Variants in USP46 observed in about 807,000 individuals in gnomAD.
USP46 encodes the protein ubiquitin carboxyl-terminal hydrolase 46.
Under a neutral mutation model 44.4 loss-of-function variants are expected in USP46, and 12 were observed. The ratio of observed to expected loss-of-function variants is 0.27; its 90% CI spans 0.17 to 0.44. The LOEUF is 0.44. USP46 is among the 20% of genes least tolerant of loss of function. The pLI, the probability that USP46 is intolerant of heterozygous loss-of-function variation, is 1.00. For synonymous variants in USP46, 155 were observed against 161.5 expected, an observed-to-expected ratio of 0.96 and a Z score of 0.31; for missense variants, 248 against 444.8, an observed-to-expected ratio of 0.56 and a Z score of 3.98.
intron 1 of USP46, among the ~76,000 whole-genome samples, chr4:52,644,810 C>A (rs535846602): frequency 6.6e-6 from 1 of 151,176 alleles, no homozygotes; most frequent in South Asian, 2.1e-4. Flanking sequence ...GTAATCCCAG[C>A]ACTTTGAGAG....
At chr4:52,613,209 C>A (rs904977749) in intron 4 of USP46, among the ~76,000 whole-genome samples, 8 of 152,096 alleles carry the variant, frequency 5.3e-5, no homozygotes, top group African/African-American at 1.9e-4. Flanking sequence ...GGAAACCATG[C>A]CCACTGGAAA....
rs908580081 is a variant in USP46, at chr4:52,591,182, C to A, written c.*6458G>T. 6.6e-6 allele frequency: 1 copy of A among 152,172 alleles called. No homozygotes were observed. The highest frequency in any genetic ancestry group is 2.4e-5 in the African/African-American group (1 of 41,446). 9.4% of individuals were successfully genotyped at this position (152,172 alleles called of 1,614,324 possible). ...CTTAAAGTTTTCTCACGTTTATTTT[C>A]CATTTTCTTAGCACAGAATGTTCTT... On this transcript the variant is annotated 3_prime_UTR_variant, in exon 9 of 9. Transcript: ENST00000441222.
At chr4:52,635,212 G>A (rs1460866514) in intron 1 of USP46, among the ~76,000 whole-genome samples, 1 of 151,646 alleles carries the variant, frequency 6.6e-6, no homozygotes, top group Non-Finnish European at 1.5e-5. Flanking sequence ...TCAACTTTGA[G>A]TATATGGATA....
At chr4:52,646,225 A>G (rs764030427) in intron 1 of USP46, among the ~76,000 whole-genome samples, 11 of 152,216 alleles carry the variant, frequency 7.2e-5, no homozygotes, top group Admixed American at 2.6e-4. Context: ...ACCTTACAGC[A>G]TGGGGAGCAC....
At chr4:52,629,688 G>A (rs1457118911) in intron 2 of USP46, 1 of 456,262 alleles carries the variant, frequency 2.2e-6, no homozygotes, top group Non-Finnish European at 4.4e-6. Flanking sequence ...GACAACTCCT[G>A]GGAAGGGAAA....
chr4:52,626,292 G>A lies in USP46; in HGVS notation c.332-45C>T, dbSNP rs368700887. The A allele has an allele frequency of 1.1e-5, 16 of 1,509,014 alleles. No homozygotes were observed. The African/African-American group carries it at 2.0e-4, about 18-fold the overall frequency. 93.5% of individuals were successfully genotyped at this position (1,509,014 alleles called of 1,614,324 possible). On this transcript the variant is annotated intron_variant, in intron 3 of 8. Transcript: ENST00000441222. ...TATTTCAGTCTCTGGTTCTTGAAAA[G>A]CAAATGGATGTAATTAGTGTTACAT...
chr4:52,630,024 T>A lies in USP46; in HGVS notation c.117+1040A>T, dbSNP rs535012793. ...ATTACTACTTACCACACCTGGGCATTGACAGACTACGTTCAGCATAATTAT... is the reference window on the plus strand; with the variant it reads ...ATTACTACTTACCACACCTGGGCATAGACAGACTACGTTCAGCATAATTAT... On this transcript the variant is annotated intron_variant, in intron 2 of 8. Coordinates refer to ENST00000441222, the MANE Select transcript of USP46 (RefSeq NM_022832.4). 5.3e-5 allele frequency among the ~76,000 whole-genome samples: 8 copies of A among 152,368 alleles called. No homozygotes were observed. The South Asian group carries it at 1.7e-3, about 32-fold the overall frequency.
chr4:52,632,990 A>AAAGAAAGAAAGAAAAGAAAAGAAAG, intron 1 of USP46, among the ~76,000 whole-genome samples: 60 of 66,044 alleles, frequency 9.1e-4, no homozygotes, highest in Admixed American at 1.1e-3. Context: ...GAAAGAAAAG[A>AAAGAAAGAAAGAAAAGAAAAGAAAG]AAAGAAAGAA....
rs376947798 is a variant in USP46 at position 52,628,048 on chromosome 4, G to A, written c.233C>T (p.Thr78Met). ...AQQKKKENLL[T>M]CLADLFHSIA... is the part of the protein sequence containing the mutation. ...GCTGTGGAAAAGGTCCGCCAGGCAC[G>A]TCAGCAAGTTTTCCTTCTTCTTTTG... is the stretch of plus-strand genomic sequence containing the variant. Residue 78 changes from threonine (T) to methionine (M), a missense_variant, in exon 3 of 9, where the codon ACG (threonine) becomes ATG (methionine). Around this residue, in one of 5 missense-constraint regions of USP46, gnomAD observed 54 missense variants for 135.0 expected, o/e 0.40. Coordinates refer to ENST00000441222, the MANE Select transcript of USP46 (RefSeq NM_022832.4). The A allele has an allele frequency of 1.8e-4, 288 of 1,613,934 alleles. No homozygotes were observed. The highest frequency in any genetic ancestry group is 2.1e-4 in the Non-Finnish European group (252 of 1,179,860).
Position 52,592,905 on chromosome 4 carries a change from GT to G in USP46, c.*4734del. 1 of 398,114 alleles carries G rather than the reference GT, an allele frequency of 2.5e-6. No individual in the cohort carries two copies. The highest frequency in any genetic ancestry group is 4.4e-6 in the Non-Finnish European group (1 of 226,136). 24.7% of individuals were successfully genotyped at this position (398,114 alleles called of 1,614,324 possible). On this transcript the variant is annotated 3_prime_UTR_variant, in exon 9 of 9. Coordinates refer to ENST00000441222, the MANE Select transcript of USP46 (RefSeq NM_022832.4). Reference sequence around the variant, plus strand: ...GCTCTCTTCCTCTTGCTCCTGCCATGTAAGATGGGCTTGCTTTCCCTTTGCC... The same window carrying G: ...GCTCTCTTCCTCTTGCTCCTGCCATGAAGATGGGCTTGCTTTCCCTTTGCC...
intron 1 of USP46, chr4:52,656,445 G>A: frequency 7.0e-7 from 1 of 1,420,520 alleles, no homozygotes; most frequent in Non-Finnish European, 9.3e-7. Context: ...GGTGGGTGGG[G>A]GATTGACCTG....
chr4:52,627,321 T>C (rs929261939), intron 3 of USP46, among the ~76,000 whole-genome samples: 2 of 152,182 alleles, frequency 1.3e-5, no homozygotes, highest in South Asian at 2.1e-4. Flanking sequence ...CTAAGATAAA[T>C]AGTAATTGCC....
chr4:52,629,649 C>G (rs1448939551), intron 2 of USP46: 1 of 456,278 alleles, frequency 2.2e-6, no homozygotes, highest in Admixed American at 2.3e-5. Context: ...CCCAGACACC[C>G]TTCAGTAACG....
chr4:52,656,273 G>A, intron 1 of USP46: 4 of 1,550,900 alleles, frequency 2.6e-6, no homozygotes, highest in Non-Finnish European at 3.5e-6. Flanking sequence ...TAAGCAGTGA[G>A]AAGGGACCTG....
intron 1 of USP46, among the ~76,000 whole-genome samples, chr4:52,634,204 C>A (rs1043458324): frequency 1.8e-4 from 28 of 151,422 alleles, no homozygotes; most frequent in Non-Finnish European, 3.2e-4. Flanking sequence ...ACCTCTACCC[C>A]CTGGGTTCAA....
intron 1 of USP46, among the ~76,000 whole-genome samples, 196 bp downstream of exon 1, chr4:52,658,919 C>A (rs1399428261): frequency 1.3e-5 from 2 of 151,562 alleles, no homozygotes; most frequent in East Asian, 3.9e-4. Context: ...CTGAGACGGG[C>A]GCCGGGGGCT....
intron 1 of USP46, among the ~76,000 whole-genome samples, chr4:52,639,021 G>C (rs1427907573): frequency 6.6e-6 from 1 of 152,116 alleles, no homozygotes; most frequent in Non-Finnish European, 1.5e-5. Flanking sequence ...TCACATGCTA[G>C]CATTTTTCAT....
At chr4:52,600,534 T>TACAG in intron 7 of USP46, among the ~76,000 whole-genome samples, 1 of 152,090 alleles carries the variant, frequency 6.6e-6, no homozygotes, top group Admixed American at 6.5e-5. Context: ...GTGCTCACAT[T>TACAG]ACAGAAACTG....
intron 7 of USP46, among the ~76,000 whole-genome samples, chr4:52,599,947 T>C (rs1349318208): frequency 6.6e-6 from 1 of 152,208 alleles, no homozygotes; most frequent in Non-Finnish European, 1.5e-5. Context: ...AACTGCATTC[T>C]ATTTAGCCCT....
Sources: allele counts gnomAD v4.1 joint callset (sites outside exome capture counted in the v4.1 genomes callset), GRCh38; gene constraint gnomAD v4.1.1; regional missense constraint gnomAD v4.1.1; transcripts MANE v1.5; gene names NCBI Gene and HGNC (gene_info 2026-07-23, HGNC 2026-07-21).